Variants in CTNND2 observed in about 807,000 individuals in gnomAD.
CTNND2 encodes the protein catenin delta 2, also known as catenin delta-2.
In CTNND2, 22 loss-of-function variants were observed where a neutral mutation model predicts 144.4. The ratio of observed to expected loss-of-function variants is 0.15; its 90% CI spans 0.11 to 0.22. CTNND2 has a LOEUF of 0.22. CTNND2 is among the 10% of genes least tolerant of loss of function. CTNND2 has a pLI of 1.00. For synonymous variants in CTNND2, 751 were observed against 695.6 expected (o/e 1.08, Z -1.25); for missense variants, 1,353 against 1,618.8 (o/e 0.84, Z 2.82).
chr5:11,339,833 A>G (rs1343702720), intron 9 of CTNND2, among the ~76,000 whole-genome samples: 1 of 152,204 alleles, frequency 6.6e-6, no homozygotes, highest in Non-Finnish European at 1.5e-5. Context: ...CAGACTCTGG[A>G]AGTGTAAGAA....
chr5:11,505,294 G>A (rs2150015530), intron 3 of CTNND2, among the ~76,000 whole-genome samples: 1 of 152,080 alleles, frequency 6.6e-6, no homozygotes, highest in East Asian at 1.9e-4. Context: ...ACTAGAAATG[G>A]CTGAGGCCAT....
intron 9 of CTNND2, among the ~76,000 whole-genome samples, chr5:11,255,171 T>A (rs1246546008): frequency 6.6e-6 from 1 of 152,218 alleles, no homozygotes; most frequent in Non-Finnish European, 1.5e-5. Context: ...TATTGTATGA[T>A]TTAATACTTC....
At chr5:11,240,838 CAA>C (rs1175388696) in intron 9 of CTNND2, among the ~76,000 whole-genome samples, 1 of 139,396 alleles carries the variant, frequency 7.2e-6, no homozygotes. Context: ...ACACACCCCC[CAA>C]CACACACCCA....
chr5:11,707,058 C>T (rs1392686026), intron 2 of CTNND2, among the ~76,000 whole-genome samples: 1 of 150,842 alleles, frequency 6.6e-6, no homozygotes, highest in East Asian at 1.9e-4. Flanking sequence ...TGCACTCCAG[C>T]CTGGGAGACA....
intron 2 of CTNND2, among the ~76,000 whole-genome samples, chr5:11,649,428 C>T (rs907110686): frequency 1.3e-5 from 2 of 152,160 alleles, no homozygotes; most frequent in Admixed American, 6.5e-5. Context: ...AGTGATTCTC[C>T]TGCCTCAGCC....
At chr5:11,036,352 A>C (rs918808012) in intron 16 of CTNND2, among the ~76,000 whole-genome samples, 1 of 152,138 alleles carries the variant, frequency 6.6e-6, no homozygotes, top group Non-Finnish European at 1.5e-5. Context: ...ATTTACACTC[A>C]TATCTTGCAT....
At chr5:11,420,353 C>T (rs1360934682) in intron 3 of CTNND2, among the ~76,000 whole-genome samples, 1 of 152,066 alleles carries the variant, frequency 6.6e-6, no homozygotes, top group East Asian at 1.9e-4. Context: ...AAAAACCTGA[C>T]ATTTGATTCT....
intron 12 of CTNND2, among the ~76,000 whole-genome samples, chr5:11,128,926 CATAA>C (rs1367890465): frequency 4.1e-5 from 1 of 24,540 alleles, no homozygotes; most frequent in African/African-American, 1.0e-4. Context: ...ATATATAATA[CATAA>C]ATATATATAT....
intron 21 of CTNND2, among the ~76,000 whole-genome samples, chr5:10,978,610 G>C (rs1416558860): frequency 6.6e-6 from 1 of 152,178 alleles, no homozygotes; most frequent in African/African-American, 2.4e-5. Context: ...AATGATGGTG[G>C]TCCTGAGCTA....
chr5:10,976,635 T>C (rs1261734193), intron 21 of CTNND2, among the ~76,000 whole-genome samples: 1 of 152,236 alleles, frequency 6.6e-6, no homozygotes, highest in East Asian at 1.9e-4. Flanking sequence ...TACCAAGTCA[T>C]CTTTGCTGAA....
chr5:11,709,289 G>A (rs1463975022), intron 2 of CTNND2, among the ~76,000 whole-genome samples: 1 of 152,196 alleles, frequency 6.6e-6, no homozygotes, highest in Non-Finnish European at 1.5e-5. Flanking sequence ...TTTACAAGAT[G>A]AAAGTCTTTC....
chr5:11,720,192 T>A (rs886825542), intron 2 of CTNND2, among the ~76,000 whole-genome samples: 1 of 152,122 alleles, frequency 6.6e-6, no homozygotes, highest in African/African-American at 2.4e-5. Context: ...TTTGCTGGCA[T>A]CTTTGAGACC....
intron 11 of CTNND2, among the ~76,000 whole-genome samples, chr5:11,185,034 G>C (rs2149806181): frequency 6.6e-6 from 1 of 152,308 alleles, no homozygotes; most frequent in African/African-American, 2.4e-5. Flanking sequence ...GCACACGGAT[G>C]ACTCAGTTCT....
At chr5:11,342,717 T>C (rs1754398608) in intron 9 of CTNND2, among the ~76,000 whole-genome samples, 1 of 152,248 alleles carries the variant, frequency 6.6e-6, no homozygotes, top group Admixed American at 6.5e-5. Context: ...TATATCTGGG[T>C]ATATCAGTCT....
intron 1 of CTNND2, among the ~76,000 whole-genome samples, chr5:11,849,059 T>C (rs1163380899): frequency 6.6e-6 from 1 of 152,112 alleles, no homozygotes; most frequent in African/African-American, 2.4e-5. Flanking sequence ...AATAAAGACA[T>C]ACCCGAGACT....
At chr5:11,764,024 G>A (rs1008732231) in intron 1 of CTNND2, among the ~76,000 whole-genome samples, 3 of 152,114 alleles carry the variant, frequency 2.0e-5, no homozygotes. Context: ...CTAGCTGGCT[G>A]TGAGATGTGG....
intron 1 of CTNND2, among the ~76,000 whole-genome samples, chr5:11,815,980 G>A (rs150216681): frequency 6.6e-6 from 1 of 152,256 alleles, no homozygotes; most frequent in Non-Finnish European, 1.5e-5. Context: ...CAAGGAGACA[G>A]CATCTCCTTG....
At chr5:11,350,694 T>G (rs1755239682) in intron 8 of CTNND2, among the ~76,000 whole-genome samples, 1 of 152,040 alleles carries the variant, frequency 6.6e-6, no homozygotes, top group Admixed American at 6.6e-5. Context: ...GCAATGAAAA[T>G]AATGTAAAAT....
intron 6 of CTNND2, among the ~76,000 whole-genome samples, chr5:11,396,424 G>T (rs1760144619): frequency 6.6e-6 from 1 of 151,908 alleles, no homozygotes; most frequent in South Asian, 2.1e-4. Context: ...ACCAAGAGTT[G>T]GTTTTAACTG....
Sources: allele counts gnomAD v4.1 joint callset (sites outside exome capture counted in the v4.1 genomes callset), GRCh38; gene constraint gnomAD v4.1.1; transcripts MANE v1.5; gene names NCBI Gene and HGNC (gene_info 2026-07-23, HGNC 2026-07-21).